Variants in TBL1X observed in about 807,000 individuals in gnomAD.
The protein encoded by TBL1X is transducin beta like 1 X-linked.
A neutral mutation model predicts 50.7 loss-of-function variants in TBL1X; 10 were observed. The observed-to-expected ratio is 0.20, with a 90% confidence interval of 0.12 to 0.33. TBL1X has a LOEUF of 0.33. Among genes scored for constraint, TBL1X ranks in the 10% least tolerant of loss-of-function variants. The probability of loss-of-function intolerance (pLI) is 1.00; values close to 1 mark genes in which losing one functional copy is unlikely to be tolerated. For missense variants in TBL1X, 340 were observed against 504.4 expected (o/e 0.67, Z 3.12); for synonymous variants, 190 against 214.7 (o/e 0.88, Z 1.01).
At chrX:9,506,431 G>A (rs1295802523) in intron 2 of TBL1X, among the ~76,000 whole-genome samples, 2 of 111,380 alleles carry the variant, frequency 1.8e-5, no homozygotes, top group African/African-American at 3.3e-5. Context: ...CTGGCGGAAG[G>A]TAAGAAATAA....
At chrX:9,612,424 CA>C (rs1333219179) in intron 2 of TBL1X, among the ~76,000 whole-genome samples, 1 of 111,487 alleles carries the variant, frequency 9.0e-6, no homozygotes, top group Non-Finnish European at 1.9e-5. Context: ...ACTTTTCTAG[CA>C]GCCACAGGAA....
chrX:9,527,448 TA>T (rs200485782), intron 2 of TBL1X, among the ~76,000 whole-genome samples: 1 of 109,833 alleles, frequency 9.1e-6, no homozygotes, highest in Non-Finnish European at 1.9e-5. Flanking sequence ...AAATGTGCGT[TA>T]AAAAAAAAGG....
At chrX:9,696,415 AC>A (rs763711609) in intron 11 of TBL1X, among the ~76,000 whole-genome samples, 197 of 113,087 alleles carry the variant, frequency 1.7e-3, no homozygotes, top group Non-Finnish European at 2.9e-3. Context: ...AGCGTCAGTA[AC>A]AGAGAGGTGT....
At chrX:9,634,476 C>A (rs1196962380) in intron 2 of TBL1X, among the ~76,000 whole-genome samples, 2 of 111,404 alleles carry the variant, frequency 1.8e-5, no homozygotes, top group African/African-American at 3.3e-5. Context: ...GCTCTCAGAA[C>A]AGAGCCAGGC....
intron 2 of TBL1X, among the ~76,000 whole-genome samples, chrX:9,603,807 C>T (rs2082568808): frequency 9.0e-6 from 1 of 111,048 alleles, no homozygotes. Context: ...TCTGAGGCCT[C>T]CAGGGGAGGA....
chrX:9,580,972 G>A (rs978782701), intron 2 of TBL1X, among the ~76,000 whole-genome samples: 4 of 111,709 alleles, frequency 3.6e-5, no homozygotes, highest in Non-Finnish European at 7.5e-5. Context: ...CCCACTTCCC[G>A]GCAGTCATGG....
chrX:9,497,408 CAAAAAAAAAAA>C (rs35402306), intron 1 of TBL1X, among the ~76,000 whole-genome samples: 1 of 30,408 alleles, frequency 3.3e-5, no homozygotes, highest in East Asian at 1.3e-3. Context: ...GACTCCATCT[CAAAAAAAAAAA>C]AAAAAAAAAA....
rs765305374 is a variant in TBL1X at position 9,658,390 on chromosome X, C to G, written c.211+4068C>G. Among the ~76,000 whole-genome samples, 12 of 110,709 alleles carry G rather than the reference C, an allele frequency of 1.1e-4. No individual in the cohort carries two copies. The South Asian group carries it at 4.7e-3, about 43-fold the overall frequency. ...TGTTACCATCCCAGGAGGAGAGAAG[C>G]AAGGGAGCGAGCCCCTAGAAATGTG... On this transcript the variant is annotated intron_variant, in intron 5 of 17. Coordinates refer to ENST00000645353, the MANE Select transcript of TBL1X (RefSeq NM_005647.4).
intron 2 of TBL1X, among the ~76,000 whole-genome samples, chrX:9,615,048 A>G (rs978809285): frequency 9.0e-6 from 1 of 111,572 alleles, no homozygotes; most frequent in Non-Finnish European, 1.9e-5. Flanking sequence ...ATCCTCAGTC[A>G]CCGGGACTCT....
At chrX:9,716,175 T>G (rs766371888) in intron 17 of TBL1X, 45 bp from the exon 18 acceptor site, 1 of 1,202,307 alleles carries the variant, frequency 8.3e-7, no homozygotes, top group East Asian at 3.0e-5. Flanking sequence ...AAAGGCATCT[T>G]TGTATTGTCT....
intron 2 of TBL1X, among the ~76,000 whole-genome samples, chrX:9,518,122 GA>G (rs1333717933): frequency 1.5e-4 from 16 of 104,696 alleles, no homozygotes; most frequent in African/African-American, 5.6e-4. Context: ...AAAAAGAAAA[GA>G]AAAAAACAGT....
intron 2 of TBL1X, among the ~76,000 whole-genome samples, chrX:9,559,054 G>A (rs183338530): frequency 1.9e-4 from 21 of 111,941 alleles, no homozygotes; most frequent in African/African-American, 6.2e-4. Context: ...CTGTGTTTCT[G>A]ATATTTGCAT....
intron 12 of TBL1X, among the ~76,000 whole-genome samples, chrX:9,701,025 A>C (rs1189817386): frequency 9.1e-6 from 1 of 110,276 alleles, no homozygotes; most frequent in East Asian, 2.8e-4. Flanking sequence ...GTGCCGATAC[A>C]GTAGCTGAGG....
intron 1 of TBL1X, among the ~76,000 whole-genome samples, chrX:9,465,910 C>G (rs1296889431): frequency 8.8e-6 from 1 of 113,109 alleles, no homozygotes; most frequent in Non-Finnish European, 1.9e-5. Context: ...CCCATTCATA[C>G]CCGGGACGCG....
At chrX:9,711,419 T>C (rs1047176417) in intron 15 of TBL1X, among the ~76,000 whole-genome samples, 192 bp from the exon 16 acceptor site, 6 of 112,077 alleles carry the variant, frequency 5.4e-5, no homozygotes, top group African/African-American at 1.9e-4. Flanking sequence ...GCTTTTTTTC[T>C]GTTTAATGAC....
intron 2 of TBL1X, chrX:9,637,350 A>G (rs1053810643): frequency 5.3e-5 from 6 of 112,173 alleles, no homozygotes; most frequent in African/African-American, 1.9e-4. Context: ...CTGATTTTTC[A>G]CAATAGAATT....
intron 5 of TBL1X, among the ~76,000 whole-genome samples, chrX:9,680,431 T>G (rs1369082319): frequency 9.0e-6 from 1 of 111,636 alleles, no homozygotes; most frequent in Non-Finnish European, 1.9e-5. Flanking sequence ...ATGTGTCTCA[T>G]CAGCACCTCA....
intron 2 of TBL1X, among the ~76,000 whole-genome samples, chrX:9,602,013 C>T (rs776455055): frequency 2.7e-4 from 30 of 112,070 alleles, no homozygotes; most frequent in Non-Finnish European, 5.3e-4. Context: ...CACTGCACTC[C>T]AGCCTGGGCA....
chrX:9,621,411 G>T (rs1182954786), intron 2 of TBL1X, among the ~76,000 whole-genome samples: 1 of 112,020 alleles, frequency 8.9e-6, no homozygotes, highest in East Asian at 2.8e-4. Context: ...CCAGCCATCT[G>T]GAGACTTCTG....
Sources: gnomAD v4.1 joint callset for allele counts (sites outside exome capture counted in the v4.1 genomes callset) on GRCh38, gnomAD v4.1.1 for gene constraint, MANE v1.5 for transcripts, NCBI Gene and HGNC (gene_info 2026-07-23, HGNC 2026-07-21) for gene names.